The following CNTNAP2 variants were observed in gnomAD, a reference collection of about 807,000 sequenced individuals.
CNTNAP2 encodes contactin associated protein 2, also known as contactin-associated protein-like 2.
In CNTNAP2, 98 loss-of-function variants were observed where a neutral mutation model predicts 155.2. The ratio of observed to expected loss-of-function variants is 0.63; its 90% confidence interval spans 0.54 to 0.75. The LOEUF is 0.75. Among genes scored for constraint, CNTNAP2 ranks in the 30% least tolerant of loss-of-function variants. The probability of loss-of-function intolerance (pLI) is 0.00; values close to 1 mark genes in which losing one functional copy is unlikely to be tolerated. For missense variants in CNTNAP2, 1,727 were observed against 1,688.1 expected (o/e 1.02, Z -0.40); for synonymous variants, 651 against 631.2 (o/e 1.03, Z -0.47).
At chr7:148,175,007 G>A (rs1794907652) in intron 18 of CNTNAP2, among the ~76,000 whole-genome samples, 1 of 152,082 alleles carries the variant, frequency 6.6e-6, no homozygotes, top group East Asian at 1.9e-4. Flanking sequence ...AACATGTGGT[G>A]TTTGGTTTTC....
At chr7:148,395,291 T>G (rs941230309) in intron 22 of CNTNAP2, among the ~76,000 whole-genome samples, 1 of 152,110 alleles carries the variant, frequency 6.6e-6, no homozygotes, top group African/African-American at 2.4e-5. Flanking sequence ...CTCTCTCTTA[T>G]TTTCCTTCTT....
rs190511381 is a variant in CNTNAP2, at chr7:146,993,575, A to G, written c.403-50332A>G. Reference sequence around the variant, plus strand: ...AGAGGCAGTTAACAACCACCTGCCCATCACCTGATGGTGGCCCGACATTCC... The same window carrying G: ...AGAGGCAGTTAACAACCACCTGCCCGTCACCTGATGGTGGCCCGACATTCC... On this transcript the variant is annotated intron_variant, in intron 3 of 23. Coordinates refer to ENST00000361727, the MANE Select transcript of CNTNAP2 (RefSeq NM_014141.6). Among the ~76,000 whole-genome samples the G allele has an allele frequency of 3.1e-3, 479 of 152,176 alleles. 13 individuals carry two copies. The highest frequency in any genetic ancestry group is 4.3e-3 in the East Asian group (22 of 5,146).
chr7:148,208,088 CAAAAAA>C (rs10551518), intron 18 of CNTNAP2, among the ~76,000 whole-genome samples: 1 of 120,840 alleles, frequency 8.3e-6, no homozygotes. Flanking sequence ...GACTCCGTGT[CAAAAAA>C]AAAAAAAAAA....
intron 2 of CNTNAP2, among the ~76,000 whole-genome samples, chr7:146,830,588 G>T (rs1026591935): frequency 5.3e-4 from 80 of 151,974 alleles, no homozygotes; most frequent in African/African-American, 1.9e-3. Context: ...ATAAAGTAAG[G>T]TTACATAATT....
intron 12 of CNTNAP2, among the ~76,000 whole-genome samples, chr7:147,634,505 G>A (rs1795144435): frequency 6.6e-6 from 1 of 152,060 alleles, no homozygotes; most frequent in South Asian, 2.1e-4. Flanking sequence ...AGTGTACACT[G>A]CTCAGGTGAT....
In CNTNAP2 at chr7:148,331,444, A is replaced by AATGG. The variant is rs201401411; in HGVS notation, c.3476-52186_3476-52183dup. Among the ~76,000 whole-genome samples, 838 of 136,178 alleles carry AATGG rather than the reference A, an allele frequency of 6.2e-3. 20 individuals are homozygous for AATGG. The highest frequency in any genetic ancestry group is 0.021 in the African/African-American group (738 of 34,920). 89.3% of individuals were successfully genotyped at this position (136,178 alleles called of 152,430 possible). On this transcript the variant is annotated intron_variant, in intron 21 of 23. Coordinates refer to ENST00000361727, the MANE Select transcript of CNTNAP2 (RefSeq NM_014141.6). Reference sequence around the variant, plus strand: ...TGGGATGGATGGAGTGGACGTATGGAATGGATGGATGGATGGATGGATAGA... The same window carrying AATGG: ...TGGGATGGATGGAGTGGACGTATGGAATGGATGGATGGATGGATGGATGGATAGA...
At chr7:148,090,765 G>T (rs572035606) in intron 15 of CNTNAP2, among the ~76,000 whole-genome samples, 10 of 152,064 alleles carry the variant, frequency 6.6e-5, no homozygotes, top group Admixed American at 3.3e-4. Context: ...CAAAGGAAAT[G>T]AAATTAGTAT....
At chr7:147,520,465 T>C (rs989918270) in intron 11 of CNTNAP2, among the ~76,000 whole-genome samples, 10 of 152,226 alleles carry the variant, frequency 6.6e-5, no homozygotes, top group African/African-American at 2.4e-4. Context: ...TGGTTATCGC[T>C]GAGGTTAGTG....
chr7:147,003,044 C>A (rs1798456938), intron 3 of CNTNAP2, among the ~76,000 whole-genome samples: 1 of 151,020 alleles, frequency 6.6e-6, no homozygotes, highest in East Asian at 2.0e-4. Context: ...GTATCTCTAG[C>A]ATTATGAGGA....
At chr7:146,517,695 G>C (rs531933286) in intron 1 of CNTNAP2, among the ~76,000 whole-genome samples, 14 of 151,962 alleles carry the variant, frequency 9.2e-5, no homozygotes, top group African/African-American at 3.4e-4. Flanking sequence ...GTAAAGAAAG[G>C]ATTGTCTGAT....
intron 1 of CNTNAP2, among the ~76,000 whole-genome samples, chr7:146,337,177 A>T (rs1420717894): frequency 6.6e-6 from 1 of 152,188 alleles, no homozygotes; most frequent in Non-Finnish European, 1.5e-5. Flanking sequence ...AATTATTTCA[A>T]AATAAAAAAT....
intron 3 of CNTNAP2, among the ~76,000 whole-genome samples, chr7:146,911,491 T>C (rs987922645): frequency 2.6e-5 from 4 of 151,900 alleles, no homozygotes; most frequent in Admixed American, 2.0e-4. Flanking sequence ...AGTTGATGAG[T>C]TCATATCCTT....
At chr7:146,583,578 A>C (rs1283112933) in intron 1 of CNTNAP2, among the ~76,000 whole-genome samples, 1 of 152,124 alleles carries the variant, frequency 6.6e-6, no homozygotes, top group Non-Finnish European at 1.5e-5. Flanking sequence ...AATGTAAGAA[A>C]CTCAGAACAA....
At chr7:146,336,575 C>T (rs1339133361) in intron 1 of CNTNAP2, among the ~76,000 whole-genome samples, 1 of 151,496 alleles carries the variant, frequency 6.6e-6, no homozygotes, top group African/African-American at 2.4e-5. Flanking sequence ...TTTATCAAAA[C>T]TAAAAATATT....
intron 2 of CNTNAP2, among the ~76,000 whole-genome samples, chr7:146,816,547 A>T (rs1803174007): frequency 6.6e-6 from 1 of 152,226 alleles, no homozygotes; most frequent in Admixed American, 6.5e-5. Context: ...AGTTTAATGT[A>T]AATGGGTATC....
At chr7:148,216,296 A>G (rs1795637329) in intron 18 of CNTNAP2, among the ~76,000 whole-genome samples, 1 of 152,202 alleles carries the variant, frequency 6.6e-6, no homozygotes, top group Non-Finnish European at 1.5e-5. Flanking sequence ...AATAGATACT[A>G]TTTATGGAGT....
At chr7:147,388,354 T>G (rs560559059) in intron 9 of CNTNAP2, among the ~76,000 whole-genome samples, 37 of 152,228 alleles carry the variant, frequency 2.4e-4, no homozygotes, top group African/African-American at 8.7e-4. Flanking sequence ...GAGTCTTGGT[T>G]TTGCCCAGCA....
At chr7:147,358,611 G>A (rs1037885978) in intron 9 of CNTNAP2, among the ~76,000 whole-genome samples, 1 of 151,770 alleles carries the variant, frequency 6.6e-6, no homozygotes, top group Non-Finnish European at 1.5e-5. Context: ...ATGAATATTA[G>A]TATCAGTCAA....
At chr7:148,047,166 T>G (rs1425370654) in intron 15 of CNTNAP2, among the ~76,000 whole-genome samples, 2 of 152,302 alleles carry the variant, frequency 1.3e-5, no homozygotes, top group Admixed American at 1.3e-4. Context: ...TTAATTATGG[T>G]CGACGCTCAT....
Sources: allele counts gnomAD v4.1 joint callset (sites outside exome capture counted in the v4.1 genomes callset), GRCh38; gene constraint gnomAD v4.1.1; transcripts MANE v1.5; gene names NCBI Gene and HGNC (gene_info 2026-07-23, HGNC 2026-07-21).